SOS1: variants seen among roughly 807,000 people sequenced by gnomAD.
SOS1 encodes the protein SOS Ras/Rac guanine nucleotide exchange factor 1.
Under a neutral mutation model 157.6 loss-of-function variants are expected in SOS1, and 25 were observed. That is an observed-to-expected ratio of 0.16 (90% CI 0.12 to 0.22). The LOEUF is 0.22. SOS1 is among the 10% of genes least tolerant of loss of function. SOS1 has a pLI of 1.00. For missense variants in SOS1, 1,237 were observed against 1,599.1 expected (o/e 0.77, Z 3.86); for synonymous variants, 528 against 534.0 (o/e 0.99, Z 0.16).
At chr2:39,071,505 T>C (rs1448629065) in intron 1 of SOS1, among the ~76,000 whole-genome samples, 1 of 152,230 alleles carries the variant, frequency 6.6e-6, no homozygotes, top group African/African-American at 2.4e-5. Flanking sequence ...AGGATCCCAA[T>C]GTTTATAAGT....
intron 1 of SOS1, among the ~76,000 whole-genome samples, chr2:39,075,582 T>C (rs1423274597): frequency 6.6e-6 from 1 of 151,850 alleles, no homozygotes; most frequent in Non-Finnish European, 1.5e-5. Flanking sequence ...AACAGGAGGA[T>C]TACCTGAGTC....
At chr2:39,048,456 A>G (rs529829044) in intron 6 of SOS1, among the ~76,000 whole-genome samples, 1 of 151,748 alleles carries the variant, frequency 6.6e-6, no homozygotes, top group Admixed American at 6.6e-5. Context: ...TCTGGAGTAC[A>G]GTGGCATGAA....
chr2:39,030,368 A>G (rs1670117288), intron 8 of SOS1, among the ~76,000 whole-genome samples: 1 of 152,074 alleles, frequency 6.6e-6, no homozygotes, highest in African/African-American at 2.4e-5. Context: ...GTTTGAGATC[A>G]GCCTGGGCAA....
At chr2:39,009,216 T>TA (rs1272750460) in intron 15 of SOS1, among the ~76,000 whole-genome samples, 1 of 150,894 alleles carries the variant, frequency 6.6e-6, no homozygotes, top group Non-Finnish European at 1.5e-5. Flanking sequence ...ATAACTGAAA[T>TA]AAAAAACTTA....
chr2:39,079,652 G>A (rs1672134960), intron 1 of SOS1, among the ~76,000 whole-genome samples: 1 of 151,738 alleles, frequency 6.6e-6, no homozygotes, highest in Non-Finnish European at 1.5e-5. Flanking sequence ...GTGCCACCAT[G>A]CCCGGCTAAT....
chr2:39,119,872 T>A (rs1041248908), intron 1 of SOS1, among the ~76,000 whole-genome samples: 1 of 152,168 alleles, frequency 6.6e-6, no homozygotes, highest in African/African-American at 2.4e-5. Flanking sequence ...GCAGGCCACG[T>A]TCCTACTGGC....
At chr2:39,118,786 T>C (rs921439462) in intron 1 of SOS1, among the ~76,000 whole-genome samples, 8 of 152,202 alleles carry the variant, frequency 5.3e-5, no homozygotes, top group African/African-American at 1.9e-4. Flanking sequence ...CATTTAAAAA[T>C]AAAACAACAC....
intron 20 of SOS1, among the ~76,000 whole-genome samples, chr2:38,991,586 A>C (rs1668735270): frequency 1.3e-5 from 2 of 152,226 alleles, no homozygotes; most frequent in East Asian, 1.9e-4. Flanking sequence ...GGACCTGGCC[A>C]GGGCAAGGTG....
At position 39,035,137 on chromosome 2, in the gene SOS1, A is replaced by AT. The variant is rs1275642092; in HGVS notation, c.1074+74_1074+75insA. ...CTAATGTGCAGGGTACTCACACAAT[A>AT]ATTTACAAATGAAGTAGCAAAAAAA... is the stretch of plus-strand genomic sequence containing the variant. On this transcript the variant is annotated intron_variant, in intron 8 of 22. Transcript: ENST00000402219. The AT allele has an allele frequency of 2.8e-5, 26 of 932,648 alleles. No homozygotes were observed. In the Admixed American group the frequency reaches 5.0e-4, roughly 18 times the overall value. The allele number at this position is 932,648 out of a possible 1,614,324, so 57.8% of individuals were successfully genotyped here. A position where few individuals can be genotyped will look rare whatever the true frequency, so the allele number is the denominator to read the frequency against.
intron 1 of SOS1, among the ~76,000 whole-genome samples, chr2:39,074,472 G>C (rs142400991): frequency 1.6e-3 from 249 of 152,156 alleles, no homozygotes; most frequent in Non-Finnish European, 2.9e-3. Flanking sequence ...ACTGAGGCAG[G>C]AGAATTGCTT....
intron 17 of SOS1, among the ~76,000 whole-genome samples, chr2:39,000,788 G>GGC (rs1669068835): frequency 6.6e-6 from 1 of 151,698 alleles, no homozygotes; most frequent in South Asian, 2.1e-4. Context: ...TGTAGCCCTG[G>GGC]GCATAACACA....
chr2:39,122,963 G>A (rs925446608), upstream of SOS1, among the ~76,000 whole-genome samples: 1 of 152,240 alleles, frequency 6.6e-6, no homozygotes, highest in East Asian at 1.9e-4. Context: ...ATTGCTCTTA[G>A]AATACATTTC....
intron 1 of SOS1, among the ~76,000 whole-genome samples, chr2:39,119,949 G>A (rs534055167): frequency 1.4e-4 from 21 of 152,240 alleles, no homozygotes; most frequent in African/African-American, 4.3e-4. Context: ...TAAAACCAGC[G>A]TACTGGACAC....
intron 1 of SOS1, among the ~76,000 whole-genome samples, chr2:39,088,830 A>G (rs1235433826): frequency 1.3e-5 from 2 of 152,180 alleles, no homozygotes; most frequent in Non-Finnish European, 2.9e-5. Context: ...AATAGCTAGA[A>G]GTGGAACTAC....
At chr2:39,090,728 A>C (rs1242507426) in intron 1 of SOS1, among the ~76,000 whole-genome samples, 4 of 151,708 alleles carry the variant, frequency 2.6e-5, no homozygotes, top group African/African-American at 7.3e-5. Flanking sequence ...AACAAACAAA[A>C]ACTTTAGTGC....
chr2:39,032,663 G>C (rs1453340119), intron 8 of SOS1, among the ~76,000 whole-genome samples: 4 of 152,112 alleles, frequency 2.6e-5, no homozygotes, highest in Non-Finnish European at 5.9e-5. Flanking sequence ...TGTATGTAAA[G>C]AAAGGAAGGA....
Position 39,034,357 on chromosome 2 carries a change from C to T in SOS1, c.1074+855G>A, listed in dbSNP as rs772032345. ...CATTACAGAGAGCCCATTTTATCAT[C>T]TGCAAACTATAAATATGATTTCCAG... On this transcript the variant is annotated intron_variant, in intron 8 of 22. Transcript: ENST00000402219. Among the ~76,000 whole-genome samples the T allele has an allele frequency of 2.5e-4, 38 of 152,302 alleles. 1 individual carries two copies. Among genetic ancestry groups the T allele is most frequent in the South Asian group, 1.5e-3 (7 of 4,820 alleles).
intron 1 of SOS1, among the ~76,000 whole-genome samples, chr2:39,068,773 A>C (rs529951395): frequency 7.2e-5 from 11 of 152,192 alleles, no homozygotes; most frequent in African/African-American, 2.4e-4. Flanking sequence ...GTTGAATCTC[A>C]GGCCAGTGGC....
At chr2:39,047,914 G>A (rs1024170402) in intron 6 of SOS1, among the ~76,000 whole-genome samples, 2 of 152,200 alleles carry the variant, frequency 1.3e-5, no homozygotes, top group African/African-American at 4.8e-5. Flanking sequence ...GTGATCCACT[G>A]ACCTCAGTCT....
Sources: gnomAD v4.1 joint callset for allele counts (sites outside exome capture counted in the v4.1 genomes callset) on GRCh38, gnomAD v4.1.1 for gene constraint, MANE v1.5 for transcripts, NCBI Gene and HGNC (gene_info 2026-07-23, HGNC 2026-07-21) for gene names.